TMEM63A: variants seen among roughly 807,000 people sequenced by gnomAD.
The protein encoded by TMEM63A is mechanosensitive cation channel TMEM63A.
Under a neutral mutation model 100.6 loss-of-function variants are expected in TMEM63A, and 76 were observed. The ratio of observed to expected loss-of-function variants is 0.76; its 90% CI spans 0.63 to 0.91. The LOEUF is 0.91. Ranked by LOEUF, TMEM63A falls within the 40% of genes least tolerant of loss-of-function variation. The probability of loss-of-function intolerance (pLI) is 0.00; values close to 1 mark genes in which losing one functional copy is unlikely to be tolerated. For missense variants in TMEM63A, 876 were observed against 1,008.8 expected (o/e 0.87, Z 1.78); for synonymous variants, 401 against 401.1 (o/e 1.00, Z 0.00).
chr1:225,858,428 G>T (rs1167667074), intron 15 of TMEM63A, among the ~76,000 whole-genome samples: 1 of 149,450 alleles, frequency 6.7e-6, no homozygotes, highest in African/African-American at 2.5e-5. Context: ...CGGTTCAAGC[G>T]ATTCTCCTGC....
rs751930748 is a variant in TMEM63A, at chr1:225,847,019, C to G, written c.*6+15G>C. On this transcript the variant is annotated intron_variant, in intron 24 of 24. Coordinates refer to ENST00000366835, the MANE Select transcript of TMEM63A (RefSeq NM_014698.3). ...CCCACAGGCTCCCCTGAGCCTGGCCCAGCCAGCAGCTCACCCAGCCTCAGG... is the reference window on the plus strand; with the variant it reads ...CCCACAGGCTCCCCTGAGCCTGGCCGAGCCAGCAGCTCACCCAGCCTCAGG... 423 of 1,597,858 alleles carry G rather than the reference C, an allele frequency of 2.6e-4. 2 individuals carry two copies. Among genetic ancestry groups the G allele is most frequent in the Non-Finnish European group, 3.5e-4 (414 of 1,171,980 alleles).
At chr1:225,881,708 C>G (rs1387573623) in intron 1 of TMEM63A, among the ~76,000 whole-genome samples, 1 of 152,216 alleles carries the variant, frequency 6.6e-6, no homozygotes, top group Non-Finnish European at 1.5e-5. Context: ...CAAGGCCCCT[C>G]CAGGGCCTCA....
chr1:225,844,995 A>C (rs1668817363), downstream of TMEM63A: 1 of 856,122 alleles, frequency 1.2e-6, no homozygotes, highest in Non-Finnish European at 1.9e-6. Context: ...GTGAGGGGAG[A>C]GCGGTTGAGA....
intron 17 of TMEM63A, 113 bp downstream of exon 17, chr1:225,856,539 A>T: frequency 9.7e-7 from 1 of 1,034,864 alleles, no homozygotes; most frequent in Non-Finnish European, 1.5e-6. Flanking sequence ...CGACAGGCTT[A>T]GATATTGTTA....
At chr1:225,845,154 T>G (rs1430062586), downstream of TMEM63A, 2 of 1,613,704 alleles carry the variant, frequency 1.2e-6, no homozygotes, top group Non-Finnish European at 8.5e-7. Context: ...AGGATGAAGG[T>G]CTATGTGCCC....
In TMEM63A at chr1:225,855,898, C is replaced by A. The variant is rs754566282; in HGVS notation, c.1614G>T (p.Ser538=). 5.6e-6 allele frequency: 9 copies of A among 1,613,916 alleles called. No individual in the cohort carries two copies. In the East Asian group the frequency reaches 1.8e-4, roughly 32 times the overall value. ...FFRWLFDKTS[S]EASIRLECVF... is the part of the protein sequence containing the mutation. ...CTCACTCCAACCTGATGGAGGCCTC[C>A]GAGGAAGTTTTGTCAAAGAGCCACC... Residue 538 remains serine, a synonymous_variant, in exon 18 of 25, where the codon TCG becomes TCT. Transcript: ENST00000366835.
At chr1:225,851,675 T>G (rs1215516553) in intron 20 of TMEM63A, among the ~76,000 whole-genome samples, 2 of 152,194 alleles carry the variant, frequency 1.3e-5, no homozygotes, top group African/African-American at 4.8e-5. Context: ...AGCCCCAGGT[T>G]CTTTTTTAAA....
At chr1:225,860,416 G>T (rs1404596136) in intron 14 of TMEM63A, 1 of 153,000 alleles carries the variant, frequency 6.5e-6, no homozygotes, top group African/African-American at 2.4e-5. Context: ...GGTGTGAATT[G>T]AGAGGTGCTA....
At position 225,848,438 on chromosome 1, in the gene TMEM63A, C is replaced by G. The variant is rs569961949; in HGVS notation, c.2250+54G>C. 149 of 1,602,704 alleles carry G rather than the reference C, an allele frequency of 9.3e-5. No homozygotes were observed. The Admixed American group carries it at 1.2e-3, about 13-fold the overall frequency. Reference sequence around the variant, plus strand: ...GGGGCCCATCTGGTTGGGACTGTTACAACCAAAGCAAAAAAAAGGGCGACA... The same window carrying G: ...GGGGCCCATCTGGTTGGGACTGTTAGAACCAAAGCAAAAAAAAGGGCGACA... On this transcript the variant is annotated intron_variant, in intron 23 of 24. Coordinates refer to ENST00000366835, the MANE Select transcript of TMEM63A (RefSeq NM_014698.3).
chr1:225,844,894 A>G (rs1668804229), downstream of TMEM63A, among the ~76,000 whole-genome samples: 1 of 152,108 alleles, frequency 6.6e-6, no homozygotes, highest in African/African-American at 2.4e-5. Flanking sequence ...TGGGATTTCC[A>G]AGTCTCACAT....
At position 225,847,218 on chromosome 1, in the gene TMEM63A, C is replaced by T; in HGVS notation, c.2251-5G>A. On this transcript the variant is annotated splice_region_variant and splice_polypyrimidine_tract_variant and intron_variant, in intron 23 of 24. Transcript: ENST00000366835. ...CAGAATCCGAGGCACGTAGGGCTGT[C>T]AGCAAATGGATTTGTGCTTGGCCTG... 6.2e-7 allele frequency: 1 copy of T among 1,612,126 alleles called. No individual in the cohort carries two copies. Among genetic ancestry groups the T allele is most frequent in the Non-Finnish European group, 8.5e-7 (1 of 1,179,112 alleles).
downstream of TMEM63A, chr1:225,845,379 CCCA>C (rs751667514): frequency 5.5e-5 from 85 of 1,543,226 alleles, no homozygotes; most frequent in African/African-American, 6.8e-5. Flanking sequence ...GCCACCTCCC[CCCA>C]CAAGTGCCCT....
chr1:225,844,411 C>G, downstream of TMEM63A: 1 of 1,604,996 alleles, frequency 6.2e-7, no homozygotes, highest in Admixed American at 1.7e-5. Context: ...ATGGGCAGGG[C>G]CTGGCATTTG....
Position 225,867,780 on chromosome 1 carries a change from T to G in TMEM63A, c.514+108A>C. The G allele has an allele frequency of 7.1e-7, 1 of 1,417,770 alleles. No homozygotes were observed. The highest frequency in any genetic ancestry group is 9.6e-7 in the Non-Finnish European group (1 of 1,041,092). 87.8% of individuals were successfully genotyped at this position (1,417,770 alleles called of 1,614,324 possible). A position where few individuals can be genotyped will look rare whatever the true frequency, so the allele number is the denominator to read the frequency against. Reference sequence around the variant, plus strand: ...AGTCACCCTGAGACCATCTTACATCTGAAGTGGGGCATGACTCCTGGGGTT... The same window carrying G: ...AGTCACCCTGAGACCATCTTACATCGGAAGTGGGGCATGACTCCTGGGGTT... On this transcript the variant is annotated intron_variant, in intron 7 of 24. Transcript: ENST00000366835. The surrounding 1 kb of genome is among the most constrained non-coding windows in gnomAD (Gnocchi z 4.6).
At chr1:225,848,395 G>GT (rs1385102894) in intron 23 of TMEM63A, 97 bp downstream of exon 23, 10 of 1,290,170 alleles carry the variant, frequency 7.8e-6, no homozygotes, top group Non-Finnish European at 7.6e-6. Flanking sequence ...CTTAGCAAGA[G>GT]ATGATCAAAG....
In TMEM63A at chr1:225,859,237, T is replaced by C. The variant is rs1669809322; in HGVS notation, c.1336A>G (p.Met446Val). ...LTTPSIILSTMDKFNVTKPIH... is the reference protein window; with the variant it reads ...LTTPSIILSTVDKFNVTKPIH... ...GGTTTGGTGACATTAAACTTGTCCA[T>C]GGTGGACAGGATGATGGAGGGTGTG... is the stretch of plus-strand genomic sequence containing the variant. The change falls in exon 15 of 25, where the codon ATG becomes GTG. Residue 446 changes from methionine to valine, a missense_variant. Coordinates refer to ENST00000366835, the MANE Select transcript of TMEM63A (RefSeq NM_014698.3). The C allele has an allele frequency of 1.9e-6, 3 of 1,613,968 alleles. No individual in the cohort carries two copies. In the South Asian group the frequency reaches 3.3e-5, roughly 18 times the overall value.
intron 4 of TMEM63A, among the ~76,000 whole-genome samples, chr1:225,873,686 G>A (rs1300808687): frequency 6.6e-6 from 1 of 152,176 alleles, no homozygotes; most frequent in African/African-American, 2.4e-5. Context: ...CTGGCCGAGG[G>A]AGCCTGTGCT....
At chr1:225,852,632 T>G (rs538632492) in intron 20 of TMEM63A, 32 bp downstream of exon 20, 1 of 1,601,634 alleles carries the variant, frequency 6.2e-7, no homozygotes, top group South Asian at 1.1e-5. Flanking sequence ...CATGTACCCA[T>G]GTACCCTGGG....
intron 21 of TMEM63A, among the ~76,000 whole-genome samples, chr1:225,849,568 G>A (rs1669219423): frequency 6.6e-6 from 1 of 152,220 alleles, no homozygotes; most frequent in Non-Finnish European, 1.5e-5. Context: ...AGGGATGTAT[G>A]GGACAATTGA....
Sources: gnomAD v4.1 joint callset for allele counts (sites outside exome capture counted in the v4.1 genomes callset) on GRCh38, gnomAD v4.1.1 for gene constraint, Gnocchi (gnomAD v3.1) non-coding constraint, MANE v1.5 for transcripts, NCBI Gene and HGNC (gene_info 2026-07-23, HGNC 2026-07-21) for gene names.